Variants in LRRTM4 observed in about 807,000 individuals in gnomAD.
The protein encoded by LRRTM4 is leucine rich repeat transmembrane neuronal 4, also known as leucine-rich repeat transmembrane neuronal protein 4.
Under a neutral mutation model 47.6 loss-of-function variants are expected in LRRTM4, and 25 were observed. That is an observed-to-expected ratio of 0.53 (90% confidence interval 0.38 to 0.73). The LOEUF (loss-of-function observed/expected upper bound fraction) is 0.73, where lower values mean the gene tolerates loss of function less well. Ranked by LOEUF, LRRTM4 falls within the 30% of genes least tolerant of loss-of-function variation. The probability of loss-of-function intolerance (pLI) is 0.00; values close to 1 mark genes in which losing one functional copy is unlikely to be tolerated. For synonymous variants in LRRTM4, 311 were observed against 269.5 expected (o/e 1.15, Z -1.51); for missense variants, 638 against 713.4 (o/e 0.89, Z 1.20).
intron 3 of LRRTM4, among the ~76,000 whole-genome samples, chr2:76,761,673 G>C (rs901083497): frequency 5.3e-5 from 8 of 152,094 alleles, no homozygotes; most frequent in Non-Finnish European, 7.4e-5. Flanking sequence ...GGGAAGAAAG[G>C]ATATTTTTAT....
intron 3 of LRRTM4, among the ~76,000 whole-genome samples, chr2:77,384,656 A>G (rs1402806191): frequency 3.3e-5 from 5 of 152,096 alleles, no homozygotes; most frequent in African/African-American, 9.6e-5. Context: ...AAAAGATTAA[A>G]GAAAAGATAG....
chr2:76,769,716 C>G (rs375468829), intron 3 of LRRTM4, among the ~76,000 whole-genome samples: 52 of 152,114 alleles, frequency 3.4e-4, no homozygotes, highest in African/African-American at 1.1e-3. Context: ...CAGGACCCCC[C>G]AGATGACTCG....
chr2:77,438,720 T>A (rs1249578411), intron 3 of LRRTM4, among the ~76,000 whole-genome samples: 3 of 152,288 alleles, frequency 2.0e-5, no homozygotes, highest in African/African-American at 4.8e-5. Context: ...ATGATAATTT[T>A]AAAAATGTAA....
chr2:77,245,543 A>G lies in LRRTM4; in HGVS notation c.1551+272775T>C, dbSNP rs987310243. Reference sequence around the variant, plus strand: ...AAAAAAAAAAAAAAAAAAAAAGAAGAAGAAGAGAAGAAGAGAAAGTTTATT... The same window carrying G: ...AAAAAAAAAAAAAAAAAAAAAGAAGGAGAAGAGAAGAAGAGAAAGTTTATT... On this transcript the variant is annotated intron_variant, in intron 3 of 3. Coordinates refer to ENST00000409884, the MANE Select transcript of LRRTM4 (RefSeq NM_001134745.3). Among the ~76,000 whole-genome samples, 18 of 132,096 alleles carry G rather than the reference A, an allele frequency of 1.4e-4. 1 individual carries two copies. In the South Asian group the frequency reaches 3.4e-3, roughly 25 times the overall value. The allele number at this position is 132,096 out of a possible 152,430, so 86.7% of individuals were successfully genotyped here.
intron 3 of LRRTM4, among the ~76,000 whole-genome samples, chr2:76,927,173 AG>A (rs1339461061): frequency 3.9e-5 from 6 of 152,056 alleles, no homozygotes; most frequent in Non-Finnish European, 5.9e-5. Context: ...CCTATTCCCT[AG>A]GAACCCTCCC....
intron 3 of LRRTM4, among the ~76,000 whole-genome samples, chr2:77,254,278 C>T (rs1389240005): frequency 6.6e-6 from 1 of 151,768 alleles, no homozygotes; most frequent in African/African-American, 2.4e-5. Flanking sequence ...CTGAAAAGAA[C>T]TATCATCCTA....
At chr2:77,460,313 G>T (rs1014477508) in intron 3 of LRRTM4, among the ~76,000 whole-genome samples, 1 of 152,090 alleles carries the variant, frequency 6.6e-6, no homozygotes, top group African/African-American at 2.4e-5. Flanking sequence ...GTAGTGGGAG[G>T]AGTCTAGCTA....
chr2:77,515,526 G>C (rs1470127715), intron 3 of LRRTM4, among the ~76,000 whole-genome samples: 2 of 151,646 alleles, frequency 1.3e-5, no homozygotes, highest in Non-Finnish European at 3.0e-5. Flanking sequence ...CACTATCTTA[G>C]AAAATTAGCA....
intron 3 of LRRTM4, among the ~76,000 whole-genome samples, chr2:77,052,150 C>CTT (rs70939841): frequency 0.24 from 15,367 of 63,648 alleles, 1,756 homozygotes; most frequent in East Asian, 0.4. Context: ...GTTACATTTC[C>CTT]TTTTTTTTTT....
rs960063855 is a variant in LRRTM4 at position 76,882,503 on chromosome 2, G to A, written c.1552-133587C>T. Among the ~76,000 whole-genome samples the A allele has an allele frequency of 1.1e-4, 16 of 151,328 alleles. 1 individual carries two copies. Among genetic ancestry groups the A allele is most frequent in the African/African-American group, 3.1e-4 (13 of 41,274 alleles). ...GCTTAGGAGTTCGAGACCAATCCAA[G>A]CAACAAAGTGAGGCCCCATCTCTAT... On this transcript the variant is annotated intron_variant, in intron 3 of 3. Transcript: ENST00000409884.
intron 3 of LRRTM4, among the ~76,000 whole-genome samples, chr2:77,476,571 G>A (rs116143046): frequency 0.03 from 4,509 of 152,058 alleles, 104 homozygotes; most frequent in Admixed American, 0.073. Context: ...TAGAAACTAC[G>A]AATTGTAGTT....
chr2:77,084,290 T>G (rs1680636212), intron 3 of LRRTM4, among the ~76,000 whole-genome samples: 1 of 152,164 alleles, frequency 6.6e-6, no homozygotes, highest in African/African-American at 2.4e-5. Context: ...ATGGCTAGGC[T>G]AGTTGCAACC....
At chr2:77,096,137 A>G (rs1193130018) in intron 3 of LRRTM4, among the ~76,000 whole-genome samples, 2 of 151,968 alleles carry the variant, frequency 1.3e-5, no homozygotes, top group East Asian at 1.9e-4. Context: ...TACCCCATAA[A>G]TATAATCATT....
chr2:77,262,219 T>C (rs977724553), intron 3 of LRRTM4, among the ~76,000 whole-genome samples: 1 of 152,076 alleles, frequency 6.6e-6, no homozygotes, highest in African/African-American at 2.4e-5. Context: ...AATTATTTCA[T>C]TACATCTTAC....
At chr2:77,294,858 A>G (rs1420773996) in intron 3 of LRRTM4, among the ~76,000 whole-genome samples, 1 of 152,204 alleles carries the variant, frequency 6.6e-6, no homozygotes. Flanking sequence ...GGTAATGTAC[A>G]TAGGATTTAT....
At chr2:77,455,537 C>T (rs1032531505) in intron 3 of LRRTM4, among the ~76,000 whole-genome samples, 6 of 152,052 alleles carry the variant, frequency 3.9e-5, no homozygotes, top group African/African-American at 7.2e-5. Context: ...AAGAGGGGTA[C>T]ATATACCTCT....
chr2:77,411,081 C>T (rs892860508), intron 3 of LRRTM4, among the ~76,000 whole-genome samples: 4 of 152,060 alleles, frequency 2.6e-5, no homozygotes, highest in Admixed American at 2.0e-4. Flanking sequence ...TTATAAAATG[C>T]TACAAATAAA....
intron 3 of LRRTM4, among the ~76,000 whole-genome samples, chr2:77,418,219 A>G (rs562475890): frequency 6.6e-6 from 1 of 152,278 alleles, no homozygotes; most frequent in East Asian, 1.9e-4. Context: ...GGAGTTCTCC[A>G]AAGTGATTCT....
chr2:77,112,580 A>T (rs1671279378), intron 3 of LRRTM4, among the ~76,000 whole-genome samples: 1 of 148,484 alleles, frequency 6.7e-6, no homozygotes, highest in Non-Finnish European at 1.5e-5. Flanking sequence ...TCACTTATGA[A>T]AGGTTTAAGC....
Sources: allele counts gnomAD v4.1 joint callset (sites outside exome capture counted in the v4.1 genomes callset), GRCh38; gene constraint gnomAD v4.1.1; transcripts MANE v1.5; gene names NCBI Gene and HGNC (gene_info 2026-07-23, HGNC 2026-07-21).